SSC5D: variants seen among roughly 807,000 people sequenced by gnomAD.
SSC5D encodes the protein soluble scavenger receptor cysteine-rich domain-containing protein SSC5D.
In SSC5D, 106 loss-of-function variants were observed where a neutral mutation model predicts 104.6. The observed-to-expected ratio is 1.01, with a 90% CI of 0.87 to 1.19. The LOEUF is 1.19. Among genes scored for constraint, SSC5D ranks in the 50% most tolerant of loss-of-function variants. The probability of loss-of-function intolerance (pLI) is 0.00; values close to 1 mark genes in which losing one functional copy is unlikely to be tolerated. For missense variants in SSC5D, 1,993 were observed against 2,153.8 expected (o/e 0.93, Z 1.48); for synonymous variants, 860 against 883.5 (o/e 0.97, Z 0.47).
At position 55,502,657 on chromosome 19, in the gene SSC5D, TTCTC is replaced by T. The variant is rs139812721; in HGVS notation, c.2785+1464_2785+1467del. ...TCTCACTCCATTTTTCATGGTAAAT[TTCTC>T]TCTCTCTTTTTTGAGACAGGATCTT... is the stretch of plus-strand genomic sequence containing the variant. On this transcript the variant is annotated intron_variant, in intron 12 of 13. Transcript: ENST00000389623. Among the ~76,000 whole-genome samples, 273 of 152,214 alleles carry T rather than the reference TTCTC, an allele frequency of 1.8e-3. 2 individuals are homozygous for T. The highest frequency in any genetic ancestry group is 6.3e-3 in the African/African-American group (261 of 41,526).
Position 55,511,526 on chromosome 19 carries a change from GT to G in SSC5D, c.2786-1481del, listed in dbSNP as rs759954433. On this transcript the variant is annotated intron_variant, in intron 12 of 13. Transcript: ENST00000389623. ...CCTGCGCGTTGTGGTTGTTCCCAGTGTTTTGCTGTCACAAATATGGCTGCTA... is the reference window on the plus strand; with the variant it reads ...CCTGCGCGTTGTGGTTGTTCCCAGTGTTTGCTGTCACAAATATGGCTGCTA... Among the ~76,000 whole-genome samples the G allele has an allele frequency of 2.6e-5, 4 of 152,280 alleles. No individual in the cohort carries two copies. In the East Asian group the frequency reaches 5.8e-4, roughly 22 times the overall value.
At position 55,503,818 on chromosome 19, in the gene SSC5D, C is replaced by CTT. The variant is rs76722696; in HGVS notation, c.2785+2626_2785+2627dup. On this transcript the variant is annotated intron_variant, in intron 12 of 13. Coordinates refer to ENST00000389623, the MANE Select transcript of SSC5D (RefSeq NM_001144950.2). The surrounding 1 kb of genome is among the most constrained non-coding windows in gnomAD (Gnocchi z 4.0). The stretch of plus-strand genomic sequence containing the variant: ...TCTCGCCGCAAGCGTCCTTTCCCGC[C>CTT]TTTTTTTTTTCTGGCGCTCAGCACG... 7.3e-5 allele frequency among the ~76,000 whole-genome samples: 11 copies of CTT among 150,762 alleles called. No homozygotes were observed. The highest frequency in any genetic ancestry group is 2.7e-4 in the African/African-American group (11 of 41,074).
Position 55,518,673 on chromosome 19 carries a change from G to C in SSC5D, c.4397G>C (p.Ser1466Thr). The C allele has an allele frequency of 6.5e-7, 1 of 1,547,224 alleles. No homozygotes were observed. The highest frequency in any genetic ancestry group is 8.7e-7 in the Non-Finnish European group (1 of 1,145,222). Residue 1466 changes from serine (S) to threonine (T), a missense_variant, in exon 14 of 14, where the codon AGC becomes ACC. By Grantham distance (58) the Ser-to-Thr change is moderately conservative (BLOSUM62 1). Transcript: ENST00000389623. ...ACCCTAGGGCCAACTCCTGGTCAGA[G>C]CCCAGGCCCCCATGGTCCATGTGTG... Reference protein sequence around the residue: ...PLTLGPTPGQSPGPHGPCVAP... With the variant: ...PLTLGPTPGQTPGPHGPCVAP...
At chr19:55,493,946 G>A in intron 7 of SSC5D, 34 bp downstream of exon 7, 1 of 1,478,096 alleles carries the variant, frequency 6.8e-7, no homozygotes, top group Non-Finnish European at 9.0e-7. Context: ...CGGGAGGTGG[G>A]CGTGGTGGTG....
chr19:55,491,195 C>G (rs1987135344), intron 6 of SSC5D, 115 bp downstream of exon 6: 1 of 1,187,856 alleles, frequency 8.4e-7, no homozygotes, highest in Admixed American at 2.8e-5. Context: ...CCCGCCTGCT[C>G]TCTGCATGCC....
intron 12 of SSC5D, among the ~76,000 whole-genome samples, chr19:55,510,511 G>A (rs1262482106): frequency 6.6e-6 from 1 of 151,908 alleles, no homozygotes; most frequent in Non-Finnish European, 1.5e-5. Context: ...ACCACGCCTG[G>A]CTAATTTTTG....
intron 12 of SSC5D, among the ~76,000 whole-genome samples, chr19:55,510,970 G>A (rs564177631): frequency 1.3e-5 from 2 of 152,096 alleles, no homozygotes; most frequent in South Asian, 4.2e-4. Context: ...GTAGAGACAG[G>A]GTTTCACCAT....
chr19:55,493,992 G>GGGGT lies in SSC5D; in HGVS notation c.1213+82_1213+83insGTGG, dbSNP rs568555704. ...AGGGGCAAGTTCGGCGGGGGCGGGG[G>GGGGT]GGTCCCTACGCGCCCTTCCTGCCCT... On this transcript the variant is annotated intron_variant, in intron 7 of 13. Coordinates refer to ENST00000389623, the MANE Select transcript of SSC5D (RefSeq NM_001144950.2). 744 of 284,108 alleles carry GGGGT rather than the reference G, an allele frequency of 2.6e-3. 231 individuals are homozygous for GGGGT. The highest frequency in any genetic ancestry group is 0.019 in the South Asian group (730 of 38,440). The allele number at this position is 284,108 out of a possible 1,614,324, so 17.6% of individuals were successfully genotyped here. A position where few individuals can be genotyped will look rare whatever the true frequency, so the allele number is the denominator to read the frequency against.
chr19:55,501,351 G>A (rs1003012805), intron 12 of SSC5D, 150 bp downstream of exon 12: 21 of 860,788 alleles, frequency 2.4e-5, no homozygotes, highest in East Asian at 2.4e-4. Context: ...GACCCTAAAC[G>A]CATTACCTCC....
chr19:55,494,691 C>A lies in SSC5D; in HGVS notation c.1295C>A (p.Pro432Gln), dbSNP rs923221056. The A allele has an allele frequency of 1.9e-6, 3 of 1,550,304 alleles. No homozygotes were observed. The East Asian group carries it at 7.4e-5, about 38-fold the overall frequency. ...CCCAGGGAGGCTGCCTCCAGGCCCC[C>A]GTCCACCATGACGAGCCAGGCTCCA... The part of the protein sequence containing the change: ...STPREAASRP[P>Q]STMTSQAPGT... Residue 432 changes from proline (P) to glutamine (Q), a missense_variant, in exon 8 of 14, where the codon CCG (proline) becomes CAG (glutamine). Transcript: ENST00000389623.
In SSC5D at chr19:55,517,695, C is replaced by T. The variant is rs1395049439; in HGVS notation, c.3419C>T (p.Ser1140Phe). The change falls in exon 14 of 14, where the codon TCT becomes TTT. Residue 1140 changes from serine to phenylalanine, a missense_variant. Physicochemically the swap from Ser to Phe is radical, Grantham distance 155 (BLOSUM62 -2). Coordinates refer to ENST00000389623, the MANE Select transcript of SSC5D (RefSeq NM_001144950.2). ...TPYSSTVSEY[S>F]RSPDPSPSPH... is the part of the protein sequence containing the mutation. Reference sequence around the variant, plus strand: ...TACTCCAGTACAGTCTCAGAATATTCTAGATCCCCAGACCCCTCCCCAAGC... The same window carrying T: ...TACTCCAGTACAGTCTCAGAATATTTTAGATCCCCAGACCCCTCCCCAAGC... 6.4e-7 allele frequency: 1 copy of T among 1,551,432 alleles called. No homozygotes were observed. The highest frequency in any genetic ancestry group is 8.7e-7 in the Non-Finnish European group (1 of 1,146,902).
intron 1 of SSC5D, 54 bp downstream of exon 1, chr19:55,488,668 C>A (rs1380300859): frequency 1.3e-6 from 2 of 1,492,322 alleles, no homozygotes; most frequent in African/African-American, 1.4e-5. Flanking sequence ...CCACCTCTGA[C>A]CCCTTAGCTT....
rs1987446557 is a variant in SSC5D at position 55,500,245 on chromosome 19, C to T, written c.2135C>T (p.Thr712Ile). 6.4e-7 allele frequency: 1 copy of T among 1,551,486 alleles called. No homozygotes were observed. The highest frequency in any genetic ancestry group is 1.4e-5 in the African/African-American group (1 of 73,050). ...PQAPRERTTK[T>I]MAMLTTQGPQ... ...GCCCCCCGAGAACGGACCACTAAGA[C>T]CATGGCAATGCTGACCACTCAAGGC... Residue 712 changes from threonine (T) to isoleucine (I), a missense_variant, in exon 10 of 14, where the codon ACC (threonine) becomes ATC (isoleucine). By Grantham distance (89) the Thr-to-Ile change is moderately conservative. Around this residue, in one of 6 missense-constraint regions of SSC5D, gnomAD observed 1,101 missense variants for 1,085.0 expected, o/e 1.01. Coordinates refer to ENST00000389623, the MANE Select transcript of SSC5D (RefSeq NM_001144950.2). The surrounding 1 kb of genome is among the most constrained non-coding windows in gnomAD (Gnocchi z 4.6).
chr19:55,503,289 T>C lies in SSC5D; in HGVS notation c.2785+2088T>C, dbSNP rs73059218. ...TGTCTTTCACTTTCAGTTCTCAGCT[T>C]CGCCACCTGCTTCTCACTCGATTTT... On this transcript the variant is annotated intron_variant, in intron 12 of 13. Coordinates refer to ENST00000389623, the MANE Select transcript of SSC5D (RefSeq NM_001144950.2). This position sits in a 1 kb window ranked among gnomAD's most constrained non-coding sequence, Gnocchi z 4.0. Among the ~76,000 whole-genome samples the C allele has an allele frequency of 0.13, 19,515 of 152,152 alleles. 1,376 individuals carry two copies. Among genetic ancestry groups the C allele is most frequent in the Non-Finnish European group, 0.14 (9,695 of 67,986 alleles).
chr19:55,506,582 G>A (rs1258803505), intron 12 of SSC5D, among the ~76,000 whole-genome samples: 1 of 151,708 alleles, frequency 6.6e-6, no homozygotes, highest in Non-Finnish European at 1.5e-5. Context: ...TTTTAGTAGA[G>A]ACGGGGTTTC....
rs765015657 is a variant in SSC5D at position 55,489,557 on chromosome 19, G to C, written c.256G>C (p.Glu86Gln). 2 of 1,503,652 alleles carry C rather than the reference G, an allele frequency of 1.3e-6. No individual in the cohort carries two copies. The highest frequency in any genetic ancestry group is 2.5e-5 in the South Asian group (2 of 79,224). 93.1% of individuals were successfully genotyped at this position (1,503,652 alleles called of 1,614,324 possible). A position where few individuals can be genotyped will look rare whatever the true frequency, so the allele number is the denominator to read the frequency against. The change falls in exon 3 of 14, where the codon GAG (glutamate) becomes CAG (glutamine). Residue 86 changes from glutamate (E) to glutamine (Q), a missense_variant. Glu to Gln is a conservative substitution (Grantham distance 29, BLOSUM62 2). This residue lies in a region of SSC5D where 1,101 missense variants were observed against 1,085.0 expected (regional missense o/e 1.01). Coordinates refer to ENST00000389623, the MANE Select transcript of SSC5D (RefSeq NM_001144950.2). The stretch of plus-strand genomic sequence containing the variant: ...GGGGGCAGGGCCTGTGTGGCTCAGC[G>C]AGCTGGCTTGCCGGGGCAACGAGGG... ...GEGAGPVWLSELACRGNEGQL... is the reference protein window; with the variant it reads ...GEGAGPVWLSQLACRGNEGQL...
At chr19:55,493,137 C>T (rs1343003205) in intron 6 of SSC5D, among the ~76,000 whole-genome samples, 2 of 152,184 alleles carry the variant, frequency 1.3e-5, no homozygotes, top group East Asian at 1.9e-4. Flanking sequence ...CTTTCTCATC[C>T]CCTTCCTCCC....
At position 55,497,876 on chromosome 19, in the gene SSC5D, C is replaced by G; in HGVS notation, c.1388-4C>G. 1 of 1,528,108 alleles carries G rather than the reference C, an allele frequency of 6.5e-7. No individual in the cohort carries two copies. Among genetic ancestry groups the G allele is most frequent in the South Asian group, 1.2e-5 (1 of 81,870 alleles). The allele number at this position is 1,528,108 out of a possible 1,614,324, so 94.7% of individuals were successfully genotyped here. ...TCTAATTCTTTGGGTCTCTTCTACC[C>G]CAGGGTCCCCCCAGCTGCGCCTGGT... On this transcript the variant is annotated splice_polypyrimidine_tract_variant and splice_region_variant and intron_variant, in intron 8 of 13. Transcript: ENST00000389623.
intron 12 of SSC5D, among the ~76,000 whole-genome samples, chr19:55,508,134 G>A (rs886328470): frequency 1.3e-5 from 2 of 152,160 alleles, no homozygotes; most frequent in African/African-American, 4.8e-5. Context: ...GGTCCAGGGA[G>A]CGCCTGGGCT....
Sources: allele counts gnomAD v4.1 joint callset (sites outside exome capture counted in the v4.1 genomes callset), GRCh38; gene constraint gnomAD v4.1.1; regional missense constraint gnomAD v4.1.1; non-coding constraint Gnocchi (gnomAD v3.1); transcripts MANE v1.5; gene names NCBI Gene and HGNC (gene_info 2026-07-23, HGNC 2026-07-21).